THSD7B: variants seen among roughly 807,000 people sequenced by gnomAD.
The protein encoded by THSD7B is thrombospondin type 1 domain containing 7B, also known as thrombospondin type-1 domain-containing protein 7B.
A neutral mutation model predicts 213.6 loss-of-function variants in THSD7B; 138 were observed. The observed-to-expected ratio is 0.65, with a 90% CI of 0.56 to 0.74. The LOEUF (loss-of-function observed/expected upper bound fraction) is 0.74, where lower values mean the gene tolerates loss of function less well. Among genes scored for constraint, THSD7B ranks in the 30% least tolerant of loss-of-function variants. The pLI is 0.00. For missense variants in THSD7B, 1,931 were observed against 1,991.5 expected, an observed-to-expected ratio of 0.97 and a Z score of 0.58; for synonymous variants, 742 against 687.0, an observed-to-expected ratio of 1.08 and a Z score of -1.25.
In THSD7B at chr2:136,874,891, T is replaced by G. The variant is rs182896053; in HGVS notation, c.-35-7253T>G. 1.7e-4 allele frequency among the ~76,000 whole-genome samples: 26 copies of G among 152,334 alleles called. No homozygotes were observed. In the East Asian group the frequency reaches 4.8e-3, roughly 28 times the overall value. On this transcript the variant is annotated intron_variant, in intron 1 of 27. Coordinates refer to ENST00000409968, the MANE Select transcript of THSD7B (RefSeq NM_001316349.2). ...AGCACATGTCTCCCACATAATGTAT[T>G]TTTGTAATCATAGTCATAGCATTTT...
At chr2:136,921,469 T>C (rs1261797191) in intron 2 of THSD7B, among the ~76,000 whole-genome samples, 1 of 151,936 alleles carries the variant, frequency 6.6e-6, no homozygotes, top group Admixed American at 6.6e-5. Flanking sequence ...CGGGTTTTTT[T>C]TTTTTAATAA....
At chr2:137,095,182 T>A in intron 4 of THSD7B, 61 bp downstream of exon 4, 1 of 1,583,202 alleles carries the variant, frequency 6.3e-7, no homozygotes, top group South Asian at 1.2e-5. Context: ...TGTAGGAATG[T>A]TAACAGTAAT....
intron 12 of THSD7B, among the ~76,000 whole-genome samples, chr2:137,392,480 A>G (rs1686055699): frequency 1.3e-5 from 2 of 151,966 alleles, no homozygotes; most frequent in Admixed American, 1.3e-4. Flanking sequence ...TACTGAACTG[A>G]TCCTTTTATC....
chr2:137,197,452 T>C (rs1399339026), intron 7 of THSD7B, among the ~76,000 whole-genome samples: 1 of 152,178 alleles, frequency 6.6e-6, no homozygotes, highest in African/African-American at 2.4e-5. Flanking sequence ...TACATTGAAA[T>C]AAATATTAAA....
chr2:136,864,965 A>G (rs1263164326), intron 1 of THSD7B, among the ~76,000 whole-genome samples: 1 of 152,232 alleles, frequency 6.6e-6, no homozygotes, highest in African/African-American at 2.4e-5. Context: ...TCTAATCAAT[A>G]TTACCATGTG....
At chr2:137,115,071 T>C in intron 4 of THSD7B, 53 bp from the exon 5 acceptor site, 1 of 1,603,884 alleles carries the variant, frequency 6.2e-7, no homozygotes, top group Non-Finnish European at 8.5e-7. Context: ...TTCCTCAGAG[T>C]TGTATATTTT....
At chr2:137,223,412 A>G (rs1158612017) in intron 7 of THSD7B, among the ~76,000 whole-genome samples, 7 of 152,214 alleles carry the variant, frequency 4.6e-5, no homozygotes, top group African/African-American at 1.7e-4. Context: ...TGCTGCCCAG[A>G]GAAAATGAGA....
At chr2:137,169,193 C>A (rs560632334) in intron 6 of THSD7B, among the ~76,000 whole-genome samples, 1 of 149,626 alleles carries the variant, frequency 6.7e-6, no homozygotes, top group Non-Finnish European at 1.5e-5. Context: ...ACTCAAAGCA[C>A]TTAAAAATCC....
intron 4 of THSD7B, among the ~76,000 whole-genome samples, chr2:137,111,883 G>A (rs552466713): frequency 1.3e-5 from 2 of 152,168 alleles, no homozygotes; most frequent in East Asian, 1.9e-4. Flanking sequence ...GTAGGACGCC[G>A]GCCTTTGCAA....
chr2:136,968,642 G>C (rs941735975), intron 2 of THSD7B, among the ~76,000 whole-genome samples: 1 of 152,210 alleles, frequency 6.6e-6, no homozygotes, highest in East Asian at 1.9e-4. Context: ...TAATTTATGA[G>C]TAGTACTCTT....
chr2:137,062,018 T>C (rs574135729), intron 3 of THSD7B, among the ~76,000 whole-genome samples: 1 of 150,336 alleles, frequency 6.7e-6, no homozygotes, highest in East Asian at 1.9e-4. Context: ...GTTTAATTTC[T>C]TTTAACAGAT....
At chr2:137,305,957 TG>T in intron 12 of THSD7B, among the ~76,000 whole-genome samples, 1 of 152,286 alleles carries the variant, frequency 6.6e-6, no homozygotes, top group African/African-American at 2.4e-5. Flanking sequence ...GGTAAGTATC[TG>T]CTTAGCTAAA....
chr2:136,943,969 A>G (rs1355773237), intron 2 of THSD7B, among the ~76,000 whole-genome samples: 1 of 151,716 alleles, frequency 6.6e-6, no homozygotes, highest in Non-Finnish European at 1.5e-5. Context: ...TTTAATTGTG[A>G]TGTTAGGGTG....
chr2:136,991,168 AT>A (rs1685775309), intron 2 of THSD7B, among the ~76,000 whole-genome samples: 1 of 152,192 alleles, frequency 6.6e-6, no homozygotes, highest in African/African-American at 2.4e-5. Context: ...TTCAGCAGTA[AT>A]TATGTGTCAT....
intron 2 of THSD7B, among the ~76,000 whole-genome samples, chr2:136,941,099 T>C (rs555893732): frequency 3.3e-5 from 5 of 152,166 alleles, no homozygotes; most frequent in African/African-American, 9.6e-5. Context: ...AGTGAGAACA[T>C]GTGGTGTTTG....
intron 15 of THSD7B, among the ~76,000 whole-genome samples, chr2:137,475,333 G>A (rs1057484378): frequency 3.3e-5 from 5 of 152,020 alleles, no homozygotes; most frequent in East Asian, 3.9e-4. Context: ...CTATGTGTTC[G>A]GAAACTTTCA....
intron 3 of THSD7B, among the ~76,000 whole-genome samples, chr2:137,066,354 G>C (rs1288456945): frequency 6.6e-6 from 1 of 151,824 alleles, no homozygotes; most frequent in Non-Finnish European, 1.5e-5. Context: ...ACCACGTCTG[G>C]CTAATTTTTT....
intron 3 of THSD7B, among the ~76,000 whole-genome samples, chr2:137,083,418 T>C (rs955592237): frequency 6.6e-6 from 1 of 152,174 alleles, no homozygotes; most frequent in Non-Finnish European, 1.5e-5. Flanking sequence ...AAAACTCTTA[T>C]TCAAATACCT....
chr2:136,985,877 G>C (rs1405618470), intron 2 of THSD7B, among the ~76,000 whole-genome samples: 4 of 152,238 alleles, frequency 2.6e-5, no homozygotes, highest in Non-Finnish European at 5.9e-5. Context: ...CCAAGGCTTT[G>C]GGAGCCCACT....
Sources: allele counts gnomAD v4.1 joint callset (sites outside exome capture counted in the v4.1 genomes callset), GRCh38; gene constraint gnomAD v4.1.1; transcripts MANE v1.5; gene names NCBI Gene and HGNC (gene_info 2026-07-23, HGNC 2026-07-21).